Variants in PPP2R5C observed in about 807,000 individuals in gnomAD.
PPP2R5C encodes the protein serine/threonine-protein phosphatase 2A 56 kDa regulatory subunit gamma isoform.
In PPP2R5C, 7 loss-of-function variants were observed where a neutral mutation model predicts 68.9. That is an observed-to-expected ratio of 0.10 (90% CI 0.06 to 0.19). PPP2R5C has a LOEUF of 0.19. PPP2R5C is among the 10% of genes least tolerant of loss of function. PPP2R5C has a pLI of 1.00. For missense variants in PPP2R5C, 348 were observed against 641.3 expected (o/e 0.54, Z 4.94); for synonymous variants, 210 against 222.2 (o/e 0.95, Z 0.49).
intron 13 of PPP2R5C, among the ~76,000 whole-genome samples, chr14:101,919,989 AAAAC>A (rs1385347845): frequency 5.3e-5 from 8 of 150,836 alleles, no homozygotes; most frequent in African/African-American, 2.0e-4. Flanking sequence ...AAAAAAAAAA[AAAAC>A]CAATTCTTAC....
intron 9 of PPP2R5C, among the ~76,000 whole-genome samples, chr14:101,902,361 C>T (rs149491142): frequency 1.2e-3 from 179 of 152,282 alleles, no homozygotes; most frequent in African/African-American, 4.1e-3. Flanking sequence ...TGCGAGAGGA[C>T]GACCTTGGTC....
rs894509310 is a variant in PPP2R5C at position 101,915,836 on chromosome 14, G to C, written c.1327-1995G>C. The stretch of plus-strand genomic sequence containing the variant: ...ATTAATAACATACCTGGGGGAGTGT[G>C]CTGGAGATGGCAGGACCAGCTTATT... On this transcript the variant is annotated intron_variant, in intron 12 of 13. Transcript: ENST00000334743. This position sits in a 1 kb window ranked among gnomAD's most constrained non-coding sequence, Gnocchi z 4.2. Among the ~76,000 whole-genome samples the C allele has an allele frequency of 2.0e-5, 3 of 152,220 alleles. No individual in the cohort carries two copies. Among genetic ancestry groups the C allele is most frequent in the African/African-American group, 7.2e-5 (3 of 41,452 alleles).
At chr14:101,902,219 G>T (rs1251329398) in intron 9 of PPP2R5C, among the ~76,000 whole-genome samples, 1 of 152,084 alleles carries the variant, frequency 6.6e-6, no homozygotes, top group Non-Finnish European at 1.5e-5. Flanking sequence ...GATAGACAAC[G>T]GGTGGCCAAA....
At position 101,891,304 on chromosome 14, in the gene PPP2R5C, C is replaced by G. The variant is rs1186988132; in HGVS notation, c.689+1008C>G. 6.6e-6 allele frequency among the ~76,000 whole-genome samples: 1 copy of G among 152,180 alleles called. No homozygotes were observed. Among genetic ancestry groups the G allele is most frequent in the East Asian group, 1.9e-4 (1 of 5,204 alleles). ...CAGCTCCTGAGCACAAGACTCTCTT[C>G]TCAGGGTGGATCAGGTCCTGCCCAG... is the stretch of plus-strand genomic sequence containing the variant. On this transcript the variant is annotated intron_variant, in intron 6 of 13. Transcript: ENST00000334743. This position sits in a 1 kb window ranked among gnomAD's most constrained non-coding sequence, Gnocchi z 4.9.
At chr14:101,876,465 C>T (rs1421648415) in intron 2 of PPP2R5C, among the ~76,000 whole-genome samples, 2 of 151,574 alleles carry the variant, frequency 1.3e-5, no homozygotes, top group East Asian at 3.9e-4. Flanking sequence ...TTATATGTTA[C>T]ACTGCTGCAG....
At chr14:101,819,324 G>A in intron 1 of PPP2R5C, 1 of 436,738 alleles carries the variant, frequency 2.3e-6, no homozygotes, top group Non-Finnish European at 4.1e-6. Flanking sequence ...CTTTCCAGGG[G>A]GTTTGCAAGG....
chr14:101,762,261 G>A (rs1270592701), intron 1 of PPP2R5C, among the ~76,000 whole-genome samples: 9 of 152,238 alleles, frequency 5.9e-5, no homozygotes, highest in African/African-American at 2.2e-4. Flanking sequence ...GGCTTGGGCG[G>A]GCAGGTGCGG....
At chr14:101,846,442 T>C (rs2041835987) in intron 1 of PPP2R5C, among the ~76,000 whole-genome samples, 1 of 152,210 alleles carries the variant, frequency 6.6e-6, no homozygotes, top group African/African-American at 2.4e-5. Flanking sequence ...AATAAGACAC[T>C]TGCACTTTGA....
At chr14:101,809,552 CTTT>C (rs5811049), upstream of PPP2R5C, among the ~76,000 whole-genome samples, 1 of 92,916 alleles carries the variant, frequency 1.1e-5, no homozygotes, top group Non-Finnish European at 2.1e-5. Flanking sequence ...TATACACACA[CTTT>C]TTTTTTTTTT....
chr14:101,856,780 A>G (rs1278719368), exon 2 of PPP2R5C: 2 of 1,613,562 alleles, frequency 1.2e-6, no homozygotes, highest in African/African-American at 2.7e-5. Flanking sequence ...TAAGTGACCT[A>G]AAGTGGAAGG....
intron 12 of PPP2R5C, chr14:101,914,261 A>G: frequency 6.6e-6 from 3 of 451,168 alleles, no homozygotes; most frequent in South Asian, 3.2e-5. Context: ...TGTTGACGCC[A>G]TCTGTGACGC....
intron 2 of PPP2R5C, among the ~76,000 whole-genome samples, chr14:101,876,896 A>T (rs2043816113): frequency 2.1e-5 from 3 of 145,022 alleles, no homozygotes. Flanking sequence ...GTTTTCTGTG[A>T]TTCTCACCAC....
chr14:101,790,388 A>G (rs977167585), intron 3 of PPP2R5C, among the ~76,000 whole-genome samples: 1 of 152,246 alleles, frequency 6.6e-6, no homozygotes, highest in Non-Finnish European at 1.5e-5. Context: ...ATCTGCCTCC[A>G]AAAGTTACCT....
intron 1 of PPP2R5C, chr14:101,833,558 T>C (rs928289187): frequency 2.0e-5 from 3 of 152,350 alleles, no homozygotes; most frequent in African/African-American, 7.2e-5. Context: ...GCTCTCATTG[T>C]CTGGCCCCAA....
chr14:101,839,480 GCACC>G (rs2041326621), intron 1 of PPP2R5C: 2 of 152,346 alleles, frequency 1.3e-5, no homozygotes, highest in South Asian at 4.1e-4. Context: ...TACTCCACAG[GCACC>G]TGTGGACACC....
In PPP2R5C at chr14:101,825,211, CGTGTGTGT is replaced by C. The variant is rs10588262; in HGVS notation, c.94+15206_94+15213del. On this transcript the variant is annotated intron_variant, in intron 1 of 13. Coordinates refer to ENST00000334743, the Ensembl canonical transcript of PPP2R5C. This position sits in a 1 kb window ranked among gnomAD's most constrained non-coding sequence, Gnocchi z 4.0. ...AGGGATAGGATAAGAGGGTTTTCAG[CGTGTGTGT>C]GTGTGTGTGTGTGTGTGTGTGTGTG... Among the ~76,000 whole-genome samples, 29 of 143,108 alleles carry C rather than the reference CGTGTGTGT, an allele frequency of 2.0e-4. No homozygotes were observed. The highest frequency in any genetic ancestry group is 8.3e-4 in the East Asian group (4 of 4,816). 93.9% of individuals were successfully genotyped at this position (143,108 alleles called of 152,430 possible).
At chr14:101,856,169 G>A (rs976387173) in intron 1 of PPP2R5C, among the ~76,000 whole-genome samples, 6 of 152,302 alleles carry the variant, frequency 3.9e-5, no homozygotes, top group Admixed American at 3.3e-4. Context: ...TCTAGCAAGC[G>A]TGGACAACCA....
intron 1 of PPP2R5C, among the ~76,000 whole-genome samples, chr14:101,852,401 C>G (rs2042209978): frequency 1.3e-5 from 2 of 151,746 alleles, no homozygotes; most frequent in Non-Finnish European, 2.9e-5. Flanking sequence ...TAACAGGCTT[C>G]CCTTTAGTAA....
intron 1 of PPP2R5C, among the ~76,000 whole-genome samples, chr14:101,815,149 C>T (rs67941660): frequency 0.084 from 12,722 of 152,190 alleles, 593 homozygotes; most frequent in Middle Eastern, 0.14. Context: ...ACTACCGCCC[C>T]TGCCTTTTTT....
Sources: gnomAD v4.1 joint callset for allele counts (sites outside exome capture counted in the v4.1 genomes callset) on GRCh38, gnomAD v4.1.1 for gene constraint, Gnocchi (gnomAD v3.1) non-coding constraint, MANE v1.5 for transcripts, NCBI Gene and HGNC (gene_info 2026-07-23, HGNC 2026-07-21) for gene names.